PRDM9: variants seen among roughly 807,000 people sequenced by gnomAD.
The protein encoded by PRDM9 is histone-lysine N-methyltransferase PRDM9.
PRDM9 carries 47 observed loss-of-function variants against 55.6 expected under a neutral mutation model. The observed-to-expected ratio is 0.85, with a 90% CI of 0.67 to 1.08. The LOEUF is 1.08. Ranked by LOEUF, PRDM9 falls within the 50% of genes least tolerant of loss-of-function variation. The pLI, the probability that PRDM9 is intolerant of heterozygous loss-of-function variation, is 0.00. For missense variants in PRDM9, 867 were observed against 1,040.3 expected (o/e 0.83, Z 2.29); for synonymous variants, 312 against 375.7 (o/e 0.83, Z 1.96).
At chr5:23,521,530 G>GT (rs528972196) in intron 6 of PRDM9, among the ~76,000 whole-genome samples, 3 of 152,152 alleles carry the variant, frequency 2.0e-5, no homozygotes, top group Non-Finnish European at 4.4e-5. Flanking sequence ...TAGAGACAGG[G>GT]TTTCACCTTG....
Position 23,509,582 on chromosome 5 carries a change from T to A in PRDM9, c.182T>A (p.Leu61Gln), listed in dbSNP as rs762092212. The part of the protein sequence containing the change: ...YRNVKRNYNA[L>Q]ITIGLRATRP... ...AATGTGAAAAGGAACTATAATGCAC[T>A]GATTACTATAGGTAACAGGAAGTGC... The change falls in exon 3 of 11, where the codon CTG becomes CAG. Residue 61 changes from leucine to glutamine, a missense_variant. Leu to Gln is a moderately radical substitution (Grantham distance 113, BLOSUM62 -2). Around this residue, in one of 5 missense-constraint regions of PRDM9, gnomAD observed 662 missense variants for 711.9 expected, o/e 0.93. Transcript: ENST00000296682. 3.7e-6 allele frequency: 6 copies of A among 1,614,210 alleles called. No homozygotes were observed. The highest frequency in any genetic ancestry group is 5.1e-6 in the Non-Finnish European group (6 of 1,180,034).
chr5:23,522,713 G>A lies in PRDM9; in HGVS notation c.710G>A (p.Arg237His), dbSNP rs373299038. ...GCAGTGGACAAGGGGCACCCCAACC[G>A]TTCAGCCCTCAGTCTGCCCCCAGGG... ...DSAVDKGHPN[R>H]SALSLPPGLR... is the part of the protein sequence containing the mutation. The change falls in exon 8 of 11, where the codon CGT (arginine) becomes CAT (histidine). Residue 237 changes from arginine to histidine, a missense_variant. Around this residue, in one of 5 missense-constraint regions of PRDM9, gnomAD observed 662 missense variants for 711.9 expected, o/e 0.93. Transcript: ENST00000296682. The A allele has an allele frequency of 4.3e-5, 70 of 1,614,072 alleles. No individual in the cohort carries two copies. The highest frequency in any genetic ancestry group is 1.2e-4 in the Admixed American group (7 of 60,004).
intron 9 of PRDM9, 144 bp from the exon 10 acceptor site, chr5:23,524,190 G>A (rs1361933340): frequency 2.0e-5 from 21 of 1,043,748 alleles, no homozygotes; most frequent in Non-Finnish European, 3.0e-5. Flanking sequence ...ATTTAGGAAT[G>A]AGCAGAAGGT....
intron 4 of PRDM9, among the ~76,000 whole-genome samples, chr5:23,517,175 TG>T (rs964190143): frequency 2.1e-5 from 3 of 143,612 alleles, no homozygotes; most frequent in Admixed American, 7.0e-5. Flanking sequence ...AAAAAAAGGT[TG>T]GGGGGGCTTT....
intron 6 of PRDM9, 21 bp from the exon 7 acceptor site, chr5:23,522,283 G>A (rs369359524): frequency 4.9e-5 from 78 of 1,582,048 alleles, no homozygotes; most frequent in South Asian, 2.9e-4. Flanking sequence ...AATTTTACCC[G>A]TCTACTCTTC....
In PRDM9 at chr5:23,521,044, A is replaced by G; in HGVS notation, c.373A>G (p.Ser125Gly). Residue 125 changes from serine to glycine, a missense_variant, in exon 6 of 11, where the codon AGT becomes GGT. Ser to Gly is a moderately conservative substitution (Grantham distance 56). Around this residue, in one of 5 missense-constraint regions of PRDM9, gnomAD observed 662 missense variants for 711.9 expected, o/e 0.93. Transcript: ENST00000296682. ...HQKGMPKASF[S>G]NESSLKELSR... ...AAAGGGAATGCCCAAGGCGTCATTC[A>G]GTAATGAATCTAGTTTGAAAGAATT... 6.2e-6 allele frequency: 10 copies of G among 1,614,224 alleles called. No individual in the cohort carries two copies. The highest frequency in any genetic ancestry group is 7.6e-6 in the Non-Finnish European group (9 of 1,180,016).
chr5:23,514,076 C>T (rs760459158), intron 4 of PRDM9, among the ~76,000 whole-genome samples: 12 of 152,272 alleles, frequency 7.9e-5, no homozygotes, highest in Middle Eastern at 3.4e-3. Context: ...AGTGACATCT[C>T]GCTGTGGTTT....
rs746645555 is a variant in PRDM9, at chr5:23,526,659, TCAAGTA to T, written c.1572_1577del (p.Lys525_Tyr526del). 20 of 1,614,088 alleles carry T rather than the reference TCAAGTA, an allele frequency of 1.2e-5. No individual in the cohort carries two copies. The highest frequency in any genetic ancestry group is 1.6e-4 in the Middle Eastern group (1 of 6,084). On this transcript the variant is annotated inframe_deletion, in exon 11 of 11. Transcript: ENST00000296682. ...GTAGGAATCTCAAGAATTGCAAAAG[TCAAGTA>T]TGGAGAGTGTGGACAAGGTTTCAGT... is the stretch of plus-strand genomic sequence containing the variant.
At chr5:23,515,218 G>A (rs577694556) in intron 4 of PRDM9, among the ~76,000 whole-genome samples, 1 of 152,144 alleles carries the variant, frequency 6.6e-6, no homozygotes, top group South Asian at 2.1e-4. Flanking sequence ...ATCTGCCTCG[G>A]CCACCCAAAG....
At chr5:23,512,094 G>A (rs1429382607) in intron 4 of PRDM9, among the ~76,000 whole-genome samples, 2 of 151,320 alleles carry the variant, frequency 1.3e-5, no homozygotes, top group African/African-American at 2.4e-5. Context: ...TCATAATATT[G>A]ATTTAAATTT....
intron 4 of PRDM9, among the ~76,000 whole-genome samples, chr5:23,516,958 G>A (rs1263820369): frequency 4.7e-5 from 7 of 148,758 alleles, no homozygotes; most frequent in South Asian, 4.4e-4. Context: ...CTAACATGGT[G>A]AAACCCTGTC....
rs755139103 is a variant in PRDM9, at chr5:23,526,894, C to T, written c.1806C>T (p.His602=). ...QSVLLTHQRT[H]TGEKPYVCRE... is the part of the protein sequence containing the mutation. ...TCCTCCTCACTCACCAGAGGACACA[C>T]ACAGGGGAGAAGCCCTATGTCTGCA... Residue 602 remains histidine (H), a synonymous_variant, in exon 11 of 11, where the codon CAC becomes CAT. Coordinates refer to ENST00000296682, the MANE Select transcript of PRDM9 (RefSeq NM_020227.4). 9 of 1,597,128 alleles carry T rather than the reference C, an allele frequency of 5.6e-6. No individual in the cohort carries two copies. The highest frequency in any genetic ancestry group is 3.3e-5 in the South Asian group (3 of 90,044).
At chr5:23,519,512 G>A (rs1165456823) in intron 5 of PRDM9, among the ~76,000 whole-genome samples, 1 of 151,872 alleles carries the variant, frequency 6.6e-6, no homozygotes, top group Non-Finnish European at 1.5e-5. Flanking sequence ...GGGATTACAG[G>A]CACCCGCCAC....
At chr5:23,513,084 A>G (rs1413900237) in intron 4 of PRDM9, among the ~76,000 whole-genome samples, 2 of 152,198 alleles carry the variant, frequency 1.3e-5, no homozygotes, top group African/African-American at 4.8e-5. Context: ...TGTAATAACT[A>G]TCAGTGTGCA....
chr5:23,517,079 C>A (rs191909534), intron 4 of PRDM9, among the ~76,000 whole-genome samples: 1 of 147,658 alleles, frequency 6.8e-6, no homozygotes, highest in Non-Finnish European at 1.5e-5. Flanking sequence ...CATGAACCCA[C>A]GAGGCGGAGC....
At chr5:23,525,733 C>T (rs1168661086) in intron 10 of PRDM9, among the ~76,000 whole-genome samples, 1 of 152,164 alleles carries the variant, frequency 6.6e-6, no homozygotes, top group African/African-American at 2.4e-5. Context: ...AGCCTGAGTG[C>T]TCTTAATAGA....
chr5:23,517,258 G>A (rs1208616264), intron 4 of PRDM9, among the ~76,000 whole-genome samples: 1 of 151,332 alleles, frequency 6.6e-6, no homozygotes, highest in Non-Finnish European at 1.5e-5. Context: ...TGTCGTGAAA[G>A]GTCAATTTAC....
In PRDM9 at chr5:23,523,295, C is replaced by T. The variant is rs772988569; in HGVS notation, c.887C>T (p.Thr296Ile). ...CCTTGTTTTTCTGAAACTCAGATCACCAAGGGGAGAAACTGCTATGAGTAT... is the reference window on the plus strand; with the variant it reads ...CCTTGTTTTTCTGAAACTCAGATCATCAAGGGGAGAAACTGCTATGAGTAT... ...AANNGYSWLI[T>I]KGRNCYEYVD... The change falls in exon 9 of 11, where the codon ACC becomes ATC. Residue 296 changes from threonine (T) to isoleucine (I), a missense_variant. Thr to Ile is a moderately conservative substitution (Grantham distance 89, BLOSUM62 -1). Coordinates refer to ENST00000296682, the MANE Select transcript of PRDM9 (RefSeq NM_020227.4). 6.2e-7 allele frequency: 1 copy of T among 1,613,780 alleles called. No individual in the cohort carries two copies. The highest frequency in any genetic ancestry group is 1.1e-5 in the South Asian group (1 of 91,074).
intron 10 of PRDM9, among the ~76,000 whole-genome samples, chr5:23,524,827 C>A (rs1310789271): frequency 1.3e-5 from 2 of 152,214 alleles, no homozygotes; most frequent in Non-Finnish European, 2.9e-5. Flanking sequence ...TACCAGCTCT[C>A]CCAACAAGGT....
Sources: allele counts gnomAD v4.1 joint callset (sites outside exome capture counted in the v4.1 genomes callset), GRCh38; gene constraint gnomAD v4.1.1; regional missense constraint gnomAD v4.1.1; transcripts MANE v1.5; gene names NCBI Gene and HGNC (gene_info 2026-07-23, HGNC 2026-07-21).